The following SYN3 variants were observed in gnomAD, a reference collection of about 807,000 sequenced individuals.
SYN3 encodes the protein synapsin-3.
A neutral mutation model predicts 65.8 loss-of-function variants in SYN3; 35 were observed. The observed-to-expected ratio is 0.53, with a 90% CI of 0.41 to 0.70. The LOEUF (loss-of-function observed/expected upper bound fraction) is 0.70, where lower values mean the gene tolerates loss of function less well. SYN3 is among the 30% of genes least tolerant of loss of function. The pLI, the probability that SYN3 is intolerant of heterozygous loss-of-function variation, is 0.00. For synonymous variants in SYN3, 270 were observed against 292.9 expected (o/e 0.92, Z 0.80); for missense variants, 680 against 749.0 (o/e 0.91, Z 1.08).
chr22:32,637,954 A>ACCCTTGTTT (rs976971233), intron 6 of SYN3, among the ~76,000 whole-genome samples: 7 of 151,748 alleles, frequency 4.6e-5, no homozygotes, highest in African/African-American at 1.7e-4. Flanking sequence ...TAGCTTTTCA[A>ACCCTTGTTT]CCCTTGTTTC....
chr22:32,759,001 C>G (rs1259089723), intron 6 of SYN3, among the ~76,000 whole-genome samples: 1 of 151,922 alleles, frequency 6.6e-6, no homozygotes, highest in Non-Finnish European at 1.5e-5. Context: ...AGGGAGGGTC[C>G]TGTCCCCATG....
intron 1 of SYN3, among the ~76,000 whole-genome samples, chr22:33,019,037 C>G (rs1255039610): frequency 1.3e-5 from 2 of 152,200 alleles, no homozygotes; most frequent in Admixed American, 6.5e-5. Context: ...CTAATCAGCT[C>G]CCTCCCTCTA....
chr22:32,671,051 C>T (rs922554450), intron 6 of SYN3, among the ~76,000 whole-genome samples: 1 of 152,196 alleles, frequency 6.6e-6, no homozygotes, highest in African/African-American at 2.4e-5. Flanking sequence ...CTATTTGGCA[C>T]ATCTCTTTCT....
At chr22:32,539,386 CAGG>C (rs1218264070) in intron 8 of SYN3, among the ~76,000 whole-genome samples, 3 of 152,126 alleles carry the variant, frequency 2.0e-5, no homozygotes, top group Non-Finnish European at 2.9e-5. Context: ...GATTAGCAAT[CAGG>C]AAAGGCTAAA....
chr22:32,572,005 C>T (rs2058765411), intron 7 of SYN3, among the ~76,000 whole-genome samples: 1 of 151,866 alleles, frequency 6.6e-6, no homozygotes, highest in Non-Finnish European at 1.5e-5. Flanking sequence ...TGAGATGGTG[C>T]AGTAAGATGG....
rs561301356 is a variant in SYN3, at chr22:32,543,504, G to T, written c.775-1791C>A. On this transcript the variant is annotated intron_variant, in intron 7 of 13. Transcript: ENST00000358763. Reference sequence around the variant, plus strand: ...GAGTGATGACTCCAGGTCTCAATTTGCAGAGAAAATAAAGGTGACCAGGCA... The same window carrying T: ...GAGTGATGACTCCAGGTCTCAATTTTCAGAGAAAATAAAGGTGACCAGGCA... Among the ~76,000 whole-genome samples, 8 of 152,260 alleles carry T rather than the reference G, an allele frequency of 5.3e-5. No homozygotes were observed. In the South Asian group the frequency reaches 1.7e-3, roughly 32 times the overall value.
chr22:32,836,762 C>A (rs547207401), intron 6 of SYN3, among the ~76,000 whole-genome samples: 1 of 152,146 alleles, frequency 6.6e-6, no homozygotes, highest in Non-Finnish European at 1.5e-5. Context: ...CACAACCTTA[C>A]AGAATGAAGC....
intron 10 of SYN3, among the ~76,000 whole-genome samples, chr22:32,529,615 G>A (rs920219812): frequency 1.3e-5 from 2 of 152,172 alleles, no homozygotes; most frequent in African/African-American, 2.4e-5. Flanking sequence ...CCCTTCTGCT[G>A]TTTTTACAAA....
chr22:32,932,692 G>A (rs1465396324), intron 3 of SYN3, among the ~76,000 whole-genome samples: 2 of 152,302 alleles, frequency 1.3e-5, no homozygotes, highest in Non-Finnish European at 1.5e-5. Context: ...CTTACAACCA[G>A]AGTCCCATGG....
intron 12 of SYN3, among the ~76,000 whole-genome samples, chr22:32,522,492 G>A (rs1361061197): frequency 1.3e-5 from 2 of 152,146 alleles, no homozygotes; most frequent in African/African-American, 4.8e-5. Flanking sequence ...GTGGGGCAGA[G>A]GCACAGCCAG....
chr22:32,516,374 T>TGG (rs2057776486), intron 13 of SYN3, among the ~76,000 whole-genome samples: 1 of 151,416 alleles, frequency 6.6e-6, no homozygotes, highest in African/African-American at 2.4e-5. Flanking sequence ...TTTATTTATT[T>TGG]ATTTATTGAG....
chr22:32,837,499 A>G lies in SYN3; in HGVS notation c.711+27416T>C, dbSNP rs1327413744. Among the ~76,000 whole-genome samples the G allele has an allele frequency of 6.6e-6, 1 of 152,196 alleles. No individual in the cohort carries two copies. Among genetic ancestry groups the G allele is most frequent in the Admixed American group, 6.5e-5 (1 of 15,278 alleles). ...AAACACCCAGGGCGAAACCACTCCA[A>G]GAGGTGAAAGGGCTTGAGGGGAGAC... On this transcript the variant is annotated intron_variant, in intron 6 of 13. Transcript: ENST00000358763. This position sits in a 1 kb window ranked among gnomAD's most constrained non-coding sequence, Gnocchi z 4.1.
intron 4 of SYN3, among the ~76,000 whole-genome samples, chr22:32,876,764 T>A (rs899542804): frequency 6.6e-6 from 1 of 152,214 alleles, no homozygotes; most frequent in East Asian, 1.9e-4. Flanking sequence ...ACCTGTTTTA[T>A]GACTAAAGCA....
chr22:32,859,733 C>G (rs994743324), intron 6 of SYN3: 3 of 283,774 alleles, frequency 1.1e-5, no homozygotes, highest in Admixed American at 5.1e-5. Context: ...AATTCCCACC[C>G]CTCTTGCTTC....
At position 32,979,638 on chromosome 22, in the gene SYN3, T is replaced by G. The variant is rs544665054; in HGVS notation, c.369+1007A>C. ...CTTTGATGATGAGGAGGAGGAGGAG[T>G]AGGAAGAGGATAAAGAATAATGATG... On this transcript the variant is annotated intron_variant, in intron 3 of 13. Transcript: ENST00000358763. Among the ~76,000 whole-genome samples the G allele has an allele frequency of 1.4e-3, 215 of 151,912 alleles. 1 individual carries two copies. Among genetic ancestry groups the G allele is most frequent in the African/African-American group, 4.9e-3 (204 of 41,410 alleles).
At chr22:32,726,145 A>AT (rs1294391720) in intron 6 of SYN3, among the ~76,000 whole-genome samples, 4 of 85,736 alleles carry the variant, frequency 4.7e-5, no homozygotes, top group African/African-American at 1.6e-4. Flanking sequence ...TCCAGTATAG[A>AT]TTTTTATTTT....
At chr22:32,686,530 G>C (rs5998579) in intron 6 of SYN3, among the ~76,000 whole-genome samples, 12 of 150,142 alleles carry the variant, frequency 8.0e-5, no homozygotes. Flanking sequence ...GCCTGCTCTA[G>C]AGCCATTGAG....
At chr22:32,643,564 GGC>G (rs2059937086) in intron 6 of SYN3, among the ~76,000 whole-genome samples, 3 of 95,672 alleles carry the variant, frequency 3.1e-5, no homozygotes, top group East Asian at 3.2e-4. Flanking sequence ...GGGCGGGGGG[GGC>G]AGAACAGACC....
chr22:32,799,018 A>G (rs1451892296), intron 6 of SYN3, among the ~76,000 whole-genome samples: 1 of 152,174 alleles, frequency 6.6e-6, no homozygotes, highest in African/African-American at 2.4e-5. Context: ...TGTTAGCCTC[A>G]GGTTCACCCC....
Sources: gnomAD v4.1 joint callset for allele counts (sites outside exome capture counted in the v4.1 genomes callset) on GRCh38, gnomAD v4.1.1 for gene constraint, Gnocchi (gnomAD v3.1) non-coding constraint, MANE v1.5 for transcripts, NCBI Gene and HGNC (gene_info 2026-07-23, HGNC 2026-07-21) for gene names.